The following KBTBD12 variants were observed in gnomAD, a reference collection of about 807,000 sequenced individuals.
KBTBD12 encodes the protein kelch repeat and BTB domain containing 12.
KBTBD12 carries 53 observed loss-of-function variants against 58.7 expected under a neutral mutation model. The ratio of observed to expected loss-of-function variants is 0.90; its 90% CI spans 0.72 to 1.14. KBTBD12 has a LOEUF of 1.14. KBTBD12 is among the 50% of genes most tolerant of loss of function. KBTBD12 has a pLI of 0.00. For synonymous variants in KBTBD12, 236 were observed against 259.8 expected, an observed-to-expected ratio of 0.91 and a Z score of 0.88; for missense variants, 704 against 751.3, an observed-to-expected ratio of 0.94 and a Z score of 0.74.
intron 5 of KBTBD12, among the ~76,000 whole-genome samples, chr3:127,966,697 A>T (rs1940578681): frequency 6.8e-6 from 1 of 147,414 alleles, no homozygotes; most frequent in African/African-American, 2.4e-5. Flanking sequence ...GAAATAAATT[A>T]TCCATGAAGT....
chr3:127,956,326 T>C (rs2107606409), intron 4 of KBTBD12, among the ~76,000 whole-genome samples: 1 of 152,212 alleles, frequency 6.6e-6, no homozygotes. Flanking sequence ...TCACAGGGAG[T>C]TAGCATTCTA....
chr3:127,963,585 T>C (rs1940497197), intron 5 of KBTBD12, 199 bp downstream of exon 5: 3 of 544,966 alleles, frequency 5.5e-6, no homozygotes, highest in Non-Finnish European at 9.6e-6. Flanking sequence ...CCATAGGCTG[T>C]CGTAAGAATT....
Position 127,923,883 on chromosome 3 carries a change from C to T in KBTBD12, c.822C>T (p.Thr274=), listed in dbSNP as rs776045632. The stretch of plus-strand genomic sequence containing the variant: ...ATCTGCGCTATGGTATGGAGACTAC[C>T]AGTCTTCTGCTTTGCATTGGCAACA... ...SLNLRYGMET[T]SLLLCIGNNS... The change falls in exon 2 of 6, where the codon ACC becomes ACT. Residue 274 remains threonine (T), a synonymous_variant. Transcript: ENST00000405109. The T allele has an allele frequency of 1.2e-6, 2 of 1,613,740 alleles. No individual in the cohort carries two copies. The highest frequency in any genetic ancestry group is 2.7e-5 in the African/African-American group (2 of 74,914).
chr3:127,956,651 G>A lies in KBTBD12; in HGVS notation c.1493-6538G>A, dbSNP rs554370890. ...CAGGACAGTACTCATGTTACTGCGC[G>A]TGGATGAGAAATATCCTAGGAGAAT... On this transcript the variant is annotated intron_variant, in intron 4 of 5. Coordinates refer to ENST00000405109, the MANE Select transcript of KBTBD12 (RefSeq NM_207335.4). 4.6e-5 allele frequency among the ~76,000 whole-genome samples: 7 copies of A among 152,324 alleles called. No individual in the cohort carries two copies. In the East Asian group the frequency reaches 7.7e-4, roughly 17 times the overall value.
At chr3:127,974,252 A>G (rs1940735938) in intron 5 of KBTBD12, among the ~76,000 whole-genome samples, 1 of 152,214 alleles carries the variant, frequency 6.6e-6, no homozygotes, top group African/African-American at 2.4e-5. Flanking sequence ...AAGAAAACTG[A>G]TGGATTTTGA....
chr3:127,922,903 T>C (rs536273089), intron 1 of KBTBD12, 47 bp from the exon 2 acceptor site: 4 of 561,272 alleles, frequency 7.1e-6, no homozygotes, highest in East Asian at 5.7e-5. Flanking sequence ...ATCTAAATTA[T>C]AGAGAATTTT....
chr3:127,959,996 A>C (rs1351565983), intron 4 of KBTBD12, among the ~76,000 whole-genome samples: 2 of 152,236 alleles, frequency 1.3e-5, no homozygotes, highest in Non-Finnish European at 2.9e-5. Flanking sequence ...CACGACAGGC[A>C]ACTTTGGAAG....
chr3:127,978,193 T>G (rs892380651), intron 5 of KBTBD12, among the ~76,000 whole-genome samples: 22 of 152,182 alleles, frequency 1.4e-4, no homozygotes, highest in African/African-American at 5.3e-4. Context: ...CCTCTGTTCT[T>G]TACCTTTTGC....
chr3:127,947,245 C>T (rs1406763614), intron 4 of KBTBD12, among the ~76,000 whole-genome samples: 2 of 152,094 alleles, frequency 1.3e-5, no homozygotes, highest in African/African-American at 2.4e-5. Flanking sequence ...TCTGCCTTTC[C>T]TTGGTAAGTT....
At chr3:127,946,779 C>T (rs968429945) in intron 4 of KBTBD12, among the ~76,000 whole-genome samples, 11 of 152,146 alleles carry the variant, frequency 7.2e-5, no homozygotes, top group Non-Finnish European at 1.2e-4. Context: ...CCTTTATGTG[C>T]CATGTGTCTC....
intron 4 of KBTBD12, among the ~76,000 whole-genome samples, chr3:127,936,089 G>C (rs959558701): frequency 6.6e-6 from 1 of 152,158 alleles, no homozygotes; most frequent in Non-Finnish European, 1.5e-5. Flanking sequence ...GATGAGGCTG[G>C]GCATGGTGGC....
intron 4 of KBTBD12, among the ~76,000 whole-genome samples, chr3:127,935,295 A>G (rs190726109): frequency 7.9e-5 from 12 of 152,268 alleles, no homozygotes; most frequent in African/African-American, 2.6e-4. Context: ...ATGCAGATGT[A>G]ATATATATGA....
chr3:127,939,460 C>A (rs975270673), intron 4 of KBTBD12, among the ~76,000 whole-genome samples: 3 of 151,906 alleles, frequency 2.0e-5, no homozygotes, highest in African/African-American at 7.3e-5. Flanking sequence ...ATCTATGAGA[C>A]ATATATTTAC....
At chr3:127,981,259 A>G (rs1168421958) in intron 5 of KBTBD12, among the ~76,000 whole-genome samples, 2 of 152,226 alleles carry the variant, frequency 1.3e-5, no homozygotes, top group Non-Finnish European at 2.9e-5. Flanking sequence ...TCTGCCATGT[A>G]TCAGCTGTCA....
At chr3:127,938,135 A>G (rs960322100) in intron 4 of KBTBD12, among the ~76,000 whole-genome samples, 2 of 152,210 alleles carry the variant, frequency 1.3e-5, no homozygotes, top group Admixed American at 1.3e-4. Flanking sequence ...TGGTAAACAT[A>G]TGGGTAAATG....
At chr3:127,932,839 G>A (rs1015621652) in intron 4 of KBTBD12, among the ~76,000 whole-genome samples, 18 of 152,108 alleles carry the variant, frequency 1.2e-4, no homozygotes, top group African/African-American at 4.3e-4. Context: ...CTTTGTTACA[G>A]AGACTTTGCT....
chr3:127,972,747 A>G (rs554254180), intron 5 of KBTBD12, among the ~76,000 whole-genome samples: 1 of 152,360 alleles, frequency 6.6e-6, no homozygotes, highest in South Asian at 2.1e-4. Context: ...AGACAGAGAA[A>G]CCAGCCTGAA....
At position 127,923,926 on chromosome 3, in the gene KBTBD12, T is replaced by C. The variant is rs369430109; in HGVS notation, c.865T>C (p.Ser289Pro). The C allele has an allele frequency of 3.6e-5, 58 of 1,613,750 alleles. No individual in the cohort carries two copies. The highest frequency in any genetic ancestry group is 4.9e-5 in the Non-Finnish European group (58 of 1,179,814). Residue 289 changes from serine to proline, a missense_variant, in exon 2 of 6, where the codon TCA becomes CCA. Ser to Pro is a moderately conservative substitution (Grantham distance 74). Transcript: ENST00000405109. Reference sequence around the variant, plus strand: ...TGGCAACAATTCTTCAGGAATCAGATCAAGACATAGGAGCTATGGGGATGC... The same window carrying C: ...TGGCAACAATTCTTCAGGAATCAGACCAAGACATAGGAGCTATGGGGATGC... ...CIGNNSSGIR[S>P]RHRSYGDASF...
chr3:127,916,953 C>T (rs1273536437), intron 1 of KBTBD12, among the ~76,000 whole-genome samples: 1 of 152,112 alleles, frequency 6.6e-6, no homozygotes, highest in Admixed American at 6.6e-5. Context: ...TAAGCGTTGG[C>T]GAGTGGGAAA....
Sources: allele counts gnomAD v4.1 joint callset (sites outside exome capture counted in the v4.1 genomes callset), GRCh38; gene constraint gnomAD v4.1.1; transcripts MANE v1.5; gene names NCBI Gene and HGNC (gene_info 2026-07-23, HGNC 2026-07-21).